The following SETDB2 variants were observed in gnomAD, a reference collection of about 807,000 sequenced individuals.
The protein encoded by SETDB2 is SET domain bifurcated histone lysine methyltransferase 2, also known as histone-lysine N-methyltransferase SETDB2.
SETDB2 carries 56 observed loss-of-function variants against 82.5 expected under a neutral mutation model. The observed-to-expected ratio is 0.68, with a 90% CI of 0.55 to 0.85. The LOEUF (loss-of-function observed/expected upper bound fraction) is 0.85. Ranked by LOEUF, SETDB2 falls within the 40% of genes least tolerant of loss-of-function variation. The pLI is 0.00. For missense variants in SETDB2, 677 were observed against 816.4 expected (o/e 0.83, Z 2.08); for synonymous variants, 272 against 284.9 (o/e 0.95, Z 0.46).
intron 5 of SETDB2, among the ~76,000 whole-genome samples, chr13:49,470,449 T>G (rs7995283): frequency 0.53 from 80,460 of 151,982 alleles, 21,435 homozygotes; most frequent in Middle Eastern, 0.57. Context: ...TTGCTTATTT[T>G]ATTTTCAGTA....
chr13:49,460,049 A>T, intron 2 of SETDB2, 58 bp from the exon 3 acceptor site: 1 of 1,526,562 alleles, frequency 6.6e-7, no homozygotes, highest in Non-Finnish European at 8.9e-7. Flanking sequence ...ACATGTTCTT[A>T]GATAAATTAT....
intron 2 of SETDB2, among the ~76,000 whole-genome samples, chr13:49,457,619 A>G (rs1957914928): frequency 6.6e-6 from 1 of 151,946 alleles, no homozygotes; most frequent in South Asian, 2.1e-4. Context: ...TGTTTTTGGT[A>G]GAGATGGGGT....
At chr13:49,490,996 T>A in intron 13 of SETDB2, 86 bp downstream of exon 13, 1 of 1,081,392 alleles carries the variant, frequency 9.2e-7, no homozygotes, top group Non-Finnish European at 1.4e-6. Flanking sequence ...CTCATACCTG[T>A]AATCCCAGCA....
At chr13:49,454,291 C>G (rs1307598569) in intron 2 of SETDB2, among the ~76,000 whole-genome samples, 1 of 152,082 alleles carries the variant, frequency 6.6e-6, no homozygotes, top group Admixed American at 6.6e-5. Context: ...TATATGTAAT[C>G]CCAGCTATTC....
intron 8 of SETDB2, among the ~76,000 whole-genome samples, chr13:49,481,565 G>T (rs1958477574): frequency 1.3e-5 from 2 of 152,194 alleles, no homozygotes; most frequent in Admixed American, 1.3e-4. Flanking sequence ...TTATAATTCA[G>T]TCAGTGACTT....
At chr13:49,459,790 G>A (rs1957957493) in intron 2 of SETDB2, 1 of 174,328 alleles carries the variant, frequency 5.7e-6, no homozygotes, top group Non-Finnish European at 1.2e-5. Context: ...ACTTTTTAAA[G>A]TGCATGTATA....
rs1050830955 is a variant in SETDB2, at chr13:49,444,815, C to G, written c.-384C>G. 5.3e-5 allele frequency: 8 copies of G among 152,304 alleles called. No individual in the cohort carries two copies. The highest frequency in any genetic ancestry group is 1.9e-4 in the African/African-American group (8 of 41,426). The allele number at this position is 152,304 out of a possible 1,614,324, so 9.4% of individuals were successfully genotyped here. On this transcript the variant is annotated 5_prime_UTR_variant, in exon 1 of 14. Transcript: ENST00000611815. ...AGGAAATGGACAGCAGTATAAAACC[C>G]AGAAGCAGAACTTGAAGGTTAAACC... is the stretch of plus-strand genomic sequence containing the variant.
At chr13:49,487,136 G>A (rs183695373) in intron 11 of SETDB2, among the ~76,000 whole-genome samples, 7 of 152,122 alleles carry the variant, frequency 4.6e-5, no homozygotes, top group East Asian at 3.9e-4. Context: ...GTTGTATTAT[G>A]GCTTACACGT....
At chr13:49,490,706 A>G in intron 12 of SETDB2, 116 bp from the exon 13 acceptor site, 1 of 691,230 alleles carries the variant, frequency 1.4e-6, no homozygotes, top group Non-Finnish European at 2.3e-6. Context: ...ATACATTGAC[A>G]AAAAAAGAAC....
intron 8 of SETDB2, chr13:49,482,043 C>T: frequency 1.0e-6 from 1 of 985,208 alleles, no homozygotes; most frequent in Non-Finnish European, 1.2e-6. Flanking sequence ...CCACATTCTA[C>T]ACATCCTGCC....
intron 2 of SETDB2, among the ~76,000 whole-genome samples, chr13:49,452,843 T>TA (rs1361810665): frequency 4.6e-5 from 7 of 152,170 alleles, no homozygotes; most frequent in Non-Finnish European, 1.0e-4. Context: ...ATCTCAGAGG[T>TA]AAAATGTCAT....
intron 5 of SETDB2, among the ~76,000 whole-genome samples, chr13:49,471,934 A>ATATATATATTTT (rs1378783393): frequency 1.8e-4 from 21 of 119,256 alleles, no homozygotes; most frequent in East Asian, 9.7e-4. Flanking sequence ...ATATATATAT[A>ATATATATATTTT]TTTTTTTTTT....
At chr13:49,477,071 T>C in intron 6 of SETDB2, 32 bp downstream of exon 6, 1 of 1,520,390 alleles carries the variant, frequency 6.6e-7, no homozygotes, top group Non-Finnish European at 8.8e-7. Context: ...TTCAAAAAAA[T>C]CTTCTGAATG....
chr13:49,463,093 C>G (rs1026365398), intron 4 of SETDB2, among the ~76,000 whole-genome samples: 1 of 152,130 alleles, frequency 6.6e-6, no homozygotes, highest in African/African-American at 2.4e-5. Flanking sequence ...GCAACCTCCC[C>G]CTCCCAGGTT....
At chr13:49,464,142 G>GATAA (rs1958053985) in intron 4 of SETDB2, 3 of 743,606 alleles carry the variant, frequency 4.0e-6, no homozygotes, top group Non-Finnish European at 7.5e-6. Flanking sequence ...TGACTTCAAA[G>GATAA]ATAAATGGGT....
rs115818232 is a variant in SETDB2 at position 49,484,696 on chromosome 13, T to G, written c.1483-934T>G. ...TGTGAACTAAAGATTAGTCAGAGACTGAAACGTAGAAGCAGAGAAAGAGAA... is the reference window on the plus strand; with the variant it reads ...TGTGAACTAAAGATTAGTCAGAGACGGAAACGTAGAAGCAGAGAAAGAGAA... On this transcript the variant is annotated intron_variant, in intron 10 of 13. Transcript: ENST00000611815. Among the ~76,000 whole-genome samples, 605 of 152,326 alleles carry G rather than the reference T, an allele frequency of 4.0e-3. 7 individuals carry two copies. Among genetic ancestry groups the G allele is most frequent in the African/African-American group, 0.014 (569 of 41,570 alleles).
intron 1 of SETDB2, chr13:49,446,509 G>A (rs1408487907): frequency 2.6e-6 from 1 of 385,602 alleles, no homozygotes; most frequent in East Asian, 7.9e-5. Flanking sequence ...ATTCTATATA[G>A]GTGAATATAT....
intron 6 of SETDB2, 49 bp from the exon 7 acceptor site, chr13:49,480,170 T>C: frequency 1.6e-6 from 2 of 1,231,560 alleles, no homozygotes; most frequent in East Asian, 2.4e-5. Context: ...GTCTCTTGAC[T>C]TGACTTGCTG....
intron 1 of SETDB2, among the ~76,000 whole-genome samples, chr13:49,449,146 G>T (rs1471886333): frequency 6.6e-6 from 1 of 152,146 alleles, no homozygotes; most frequent in African/African-American, 2.4e-5. Context: ...CAATCTGAGA[G>T]TCTGCCCTTT....
Sources: gnomAD v4.1 joint callset for allele counts (sites outside exome capture counted in the v4.1 genomes callset) on GRCh38, gnomAD v4.1.1 for gene constraint, MANE v1.5 for transcripts, NCBI Gene and HGNC (gene_info 2026-07-23, HGNC 2026-07-21) for gene names.